MYO16: variants seen among roughly 807,000 people sequenced by gnomAD.
MYO16 encodes the protein unconventional myosin-XVI.
In MYO16, 94 loss-of-function variants were observed where a neutral mutation model predicts 205.3. The observed-to-expected ratio is 0.46, with a 90% CI of 0.39 to 0.54. The LOEUF (loss-of-function observed/expected upper bound fraction) is 0.54, where lower values mean the gene tolerates loss of function less well. MYO16 is among the 20% of genes least tolerant of loss of function. The probability of loss-of-function intolerance (pLI) is 0.00; values close to 1 mark genes in which losing one functional copy is unlikely to be tolerated. For synonymous variants in MYO16, 988 were observed against 954.0 expected (o/e 1.04, Z -0.66); for missense variants, 2,315 against 2,387.5 (o/e 0.97, Z 0.63).
At chr13:108,613,218 CAT>C (rs1879238771) in intron 1 of MYO16, among the ~76,000 whole-genome samples, 1 of 152,124 alleles carries the variant, frequency 6.6e-6, no homozygotes, top group African/African-American at 2.4e-5. Context: ...TGGTAGGGCT[CAT>C]TTGTGTGTCT....
intron 4 of MYO16, among the ~76,000 whole-genome samples, chr13:108,755,788 G>A (rs976777832): frequency 1.4e-4 from 22 of 152,244 alleles, no homozygotes; most frequent in East Asian, 5.8e-4. Flanking sequence ...CTAATGACAC[G>A]TCAGTGCACT....
intron 12 of MYO16, among the ~76,000 whole-genome samples, chr13:108,870,287 C>G (rs565019364): frequency 2.0e-5 from 3 of 151,692 alleles, no homozygotes; most frequent in Non-Finnish European, 4.4e-5. Context: ...ATATTACTGA[C>G]GTCTATTAAA....
chr13:108,648,842 G>C (rs1880869583), intron 1 of MYO16, among the ~76,000 whole-genome samples: 1 of 152,120 alleles, frequency 6.6e-6, no homozygotes, highest in African/African-American at 2.4e-5. Flanking sequence ...CTGAATGCCA[G>C]TGGCTTCATG....
chr13:108,516,349 G>A, the MYO16 span, among the ~76,000 whole-genome samples: 31 of 151,872 alleles, frequency 2.0e-4, no homozygotes, highest in East Asian at 4.2e-3. Flanking sequence ...CACGGTGCGC[G>A]CACACACTGG....
intron 2 of MYO16, among the ~76,000 whole-genome samples, chr13:108,704,331 A>G (rs937138243): frequency 1.3e-5 from 2 of 152,202 alleles, no homozygotes; most frequent in African/African-American, 4.8e-5. Flanking sequence ...GCAGTTCTTA[A>G]AGAGAATTTT....
intron 9 of MYO16, among the ~76,000 whole-genome samples, chr13:108,823,884 T>C (rs1876118298): frequency 6.6e-6 from 1 of 152,136 alleles, no homozygotes; most frequent in Non-Finnish European, 1.5e-5. Context: ...TGCCAGCATA[T>C]GGATATACAA....
At chr13:108,742,745 A>G (rs1052754640) in intron 4 of MYO16, among the ~76,000 whole-genome samples, 21 of 152,236 alleles carry the variant, frequency 1.4e-4, no homozygotes, top group Non-Finnish European at 3.1e-4. Flanking sequence ...GTACATATTT[A>G]CATGTATTAT....
chr13:108,976,173 T>C (rs1884248582), intron 20 of MYO16, among the ~76,000 whole-genome samples: 1 of 152,128 alleles, frequency 6.6e-6, no homozygotes, highest in Non-Finnish European at 1.5e-5. Context: ...AATTAAACTT[T>C]TTTCACTTTT....
intron 9 of MYO16, among the ~76,000 whole-genome samples, chr13:108,827,739 CTG>C (rs1014701460): frequency 2.6e-5 from 4 of 152,182 alleles, no homozygotes; most frequent in African/African-American, 7.2e-5. Flanking sequence ...CGCCTCCTCT[CTG>C]TGTTGCCTTT....
Position 108,948,654 on chromosome 13 carries a change from T to C in MYO16, c.1926-9034T>C, listed in dbSNP as rs971458157. On this transcript the variant is annotated intron_variant, in intron 16 of 34. Transcript: ENST00000457511. ...ATCTTTGAATCATATCTATTCCCAC[T>C]CCTTAGAGTGATGCTTCATGCTGGA... Among the ~76,000 whole-genome samples the C allele has an allele frequency of 5.3e-5, 8 of 152,344 alleles. No individual in the cohort carries two copies. In the East Asian group the frequency reaches 1.4e-3, roughly 26 times the overall value.
intron 21 of MYO16, among the ~76,000 whole-genome samples, chr13:108,997,718 T>C (rs1306626689): frequency 6.6e-6 from 1 of 151,958 alleles, no homozygotes. Flanking sequence ...GGTGCCTCTA[T>C]TCCCAGCTAC....
At chr13:108,704,959 A>C (rs1883450080) in intron 2 of MYO16, among the ~76,000 whole-genome samples, 1 of 151,770 alleles carries the variant, frequency 6.6e-6, no homozygotes, top group Non-Finnish European at 1.5e-5. Flanking sequence ...ACAAAAAAAA[A>C]CCTGACCAAA....
chr13:108,944,407 A>T (rs553884497), intron 16 of MYO16, among the ~76,000 whole-genome samples: 1 of 152,232 alleles, frequency 6.6e-6, no homozygotes, highest in Non-Finnish European at 1.5e-5. Flanking sequence ...TAATGACAAC[A>T]TTAAGACTAC....
chr13:109,126,236 C>T (rs1238515328), intron 30 of MYO16, among the ~76,000 whole-genome samples: 1 of 152,088 alleles, frequency 6.6e-6, no homozygotes, highest in Non-Finnish European at 1.5e-5. Flanking sequence ...AAAAAATCCC[C>T]TTTGTACAGA....
chr13:108,844,754 C>A (rs1877428429), intron 10 of MYO16, among the ~76,000 whole-genome samples: 1 of 152,076 alleles, frequency 6.6e-6, no homozygotes, highest in South Asian at 2.1e-4. Flanking sequence ...CGCATTAGTT[C>A]TTGAATATTT....
chr13:108,827,989 G>GAAAAAA (rs1876377393), intron 9 of MYO16, among the ~76,000 whole-genome samples: 1 of 151,824 alleles, frequency 6.6e-6, no homozygotes, highest in Non-Finnish European at 1.5e-5. Context: ...TGATGAAAGG[G>GAAAAAA]TTTTTTTTAC....
intron 1 of MYO16, among the ~76,000 whole-genome samples, chr13:108,645,085 G>T (rs941950156): frequency 1.3e-5 from 2 of 152,174 alleles, no homozygotes; most frequent in African/African-American, 4.8e-5. Flanking sequence ...AGAGGCAGTG[G>T]CCATGACAGG....
chr13:108,498,682 A>G, the MYO16 span, among the ~76,000 whole-genome samples: 5 of 152,252 alleles, frequency 3.3e-5, no homozygotes, highest in African/African-American at 1.2e-4. Flanking sequence ...TTAAAAAGCC[A>G]GGCCGTAAAA....
chr13:108,804,337 A>G (rs1395516874), intron 6 of MYO16, among the ~76,000 whole-genome samples: 32 of 152,210 alleles, frequency 2.1e-4, no homozygotes, highest in Admixed American at 2.1e-3. Context: ...TTCACAGCAG[A>G]AATGATAACC....
Sources: gnomAD v4.1 joint callset for allele counts (sites outside exome capture counted in the v4.1 genomes callset) on GRCh38, gnomAD v4.1.1 for gene constraint, MANE v1.5 for transcripts, NCBI Gene and HGNC (gene_info 2026-07-23, HGNC 2026-07-21) for gene names.